SSBP2: variants seen among roughly 807,000 people sequenced by gnomAD.
The protein encoded by SSBP2 is single stranded DNA binding protein 2.
SSBP2 carries 17 observed loss-of-function variants against 61.8 expected under a neutral mutation model. The ratio of observed to expected loss-of-function variants is 0.28; its 90% CI spans 0.19 to 0.41. The LOEUF is 0.41. SSBP2 is among the 10% of genes least tolerant of loss of function. The probability of loss-of-function intolerance (pLI) is 1.00; values close to 1 mark genes in which losing one functional copy is unlikely to be tolerated. For synonymous variants in SSBP2, 139 were observed against 141.3 expected, an observed-to-expected ratio of 0.98 and a Z score of 0.12; for missense variants, 310 against 458.7, an observed-to-expected ratio of 0.68 and a Z score of 2.96.
intron 16 of SSBP2, 72 bp from the exon 17 acceptor site, chr5:81,420,605 C>T (rs1162581265): frequency 4.0e-6 from 5 of 1,247,896 alleles, no homozygotes; most frequent in Non-Finnish European, 5.9e-6. Context: ...CTTGGTACAA[C>T]AGAAACGATG....
intron 3 of SSBP2, 88 bp downstream of exon 3, chr5:81,636,469 A>G: frequency 9.3e-7 from 1 of 1,078,012 alleles, no homozygotes; most frequent in Non-Finnish European, 1.3e-6. Context: ...GAAAAAATAA[A>G]AAGGAAGCAT....
intron 1 of SSBP2, among the ~76,000 whole-genome samples, chr5:81,740,975 C>T (rs1756980055): frequency 6.6e-6 from 1 of 152,190 alleles, no homozygotes; most frequent in Admixed American, 6.5e-5. Flanking sequence ...ATTCCCCTCC[C>T]ATCCTCATGC....
chr5:81,736,488 C>T (rs1218594358), intron 1 of SSBP2, among the ~76,000 whole-genome samples: 3 of 152,056 alleles, frequency 2.0e-5, no homozygotes, highest in East Asian at 1.9e-4. Flanking sequence ...CTTTTCTCCT[C>T]GAATTTAAAA....
At chr5:81,520,260 T>C (rs1021525593) in intron 4 of SSBP2, among the ~76,000 whole-genome samples, 2 of 152,054 alleles carry the variant, frequency 1.3e-5, no homozygotes, top group East Asian at 1.9e-4. Context: ...GCTGGGATTA[T>C]AGGCGTGAGC....
At chr5:81,650,814 A>G (rs374906791) in intron 1 of SSBP2, among the ~76,000 whole-genome samples, 1 of 152,148 alleles carries the variant, frequency 6.6e-6, no homozygotes. Flanking sequence ...ATCCATTTTA[A>G]TATTTGCTCA....
chr5:81,705,396 T>C (rs1174394797), intron 1 of SSBP2, among the ~76,000 whole-genome samples: 1 of 152,184 alleles, frequency 6.6e-6, no homozygotes, highest in East Asian at 1.9e-4. Flanking sequence ...GGAAATGTTA[T>C]ATACTTTACA....
intron 3 of SSBP2, among the ~76,000 whole-genome samples, chr5:81,617,863 G>A (rs1021648831): frequency 2.4e-5 from 3 of 125,744 alleles, no homozygotes; most frequent in African/African-American, 9.1e-5. Flanking sequence ...AGCTTCATAA[G>A]TGAAGGAGAA....
At chr5:81,727,153 T>C (rs535138875) in intron 1 of SSBP2, among the ~76,000 whole-genome samples, 7 of 152,306 alleles carry the variant, frequency 4.6e-5, no homozygotes, top group African/African-American at 1.4e-4. Flanking sequence ...ACTAGCTAAG[T>C]GTCTTTGGGC....
chr5:81,506,464 AAC>A (rs1224584902), intron 5 of SSBP2, among the ~76,000 whole-genome samples: 2 of 152,172 alleles, frequency 1.3e-5, no homozygotes, highest in African/African-American at 2.4e-5. Context: ...AGAAGGATAT[AAC>A]AAGTAATCTT....
At chr5:81,726,821 A>G (rs1378509550) in intron 1 of SSBP2, among the ~76,000 whole-genome samples, 1 of 152,112 alleles carries the variant, frequency 6.6e-6, no homozygotes, top group Non-Finnish European at 1.5e-5. Flanking sequence ...TTCATCCTAC[A>G]CGGTCCAGTA....
At chr5:81,653,665 T>C (rs1468099349) in intron 1 of SSBP2, among the ~76,000 whole-genome samples, 4 of 152,332 alleles carry the variant, frequency 2.6e-5, no homozygotes, top group Non-Finnish European at 4.4e-5. Context: ...TGGTATCTCA[T>C]TGTGGTTTTG....
chr5:81,593,060 C>G (rs1056606453), intron 4 of SSBP2, among the ~76,000 whole-genome samples: 7 of 152,012 alleles, frequency 4.6e-5, no homozygotes, highest in Admixed American at 1.3e-4. Flanking sequence ...AGGAGGAAAT[C>G]TGAACCAATG....
At chr5:81,720,667 C>A (rs976358448) in intron 1 of SSBP2, among the ~76,000 whole-genome samples, 1 of 152,212 alleles carries the variant, frequency 6.6e-6, no homozygotes, top group Non-Finnish European at 1.5e-5. Flanking sequence ...CACTTCCCCC[C>A]TCTCTGCCTC....
chr5:81,567,865 T>C (rs957437035), intron 4 of SSBP2, among the ~76,000 whole-genome samples: 2 of 152,220 alleles, frequency 1.3e-5, no homozygotes, highest in Non-Finnish European at 2.9e-5. Context: ...GCATGGAGCC[T>C]GTAGCCCCTT....
chr5:81,540,590 GT>G (rs1771187195), intron 4 of SSBP2, among the ~76,000 whole-genome samples: 1 of 152,044 alleles, frequency 6.6e-6, no homozygotes, highest in Non-Finnish European at 1.5e-5. Context: ...TCATGGGGTT[GT>G]TTTTTTCTCA....
At chr5:81,729,724 C>A (rs1756128886) in intron 1 of SSBP2, among the ~76,000 whole-genome samples, 1 of 151,870 alleles carries the variant, frequency 6.6e-6, no homozygotes, top group East Asian at 1.9e-4. Flanking sequence ...GCTTTTTTAA[C>A]CTTTAATTAT....
chr5:81,734,815 C>CA (rs1487634697), intron 1 of SSBP2, among the ~76,000 whole-genome samples: 1 of 151,688 alleles, frequency 6.6e-6, no homozygotes, highest in Admixed American at 6.6e-5. Flanking sequence ...ACTAAAAACA[C>CA]AAAAAACTAG....
At chr5:81,689,150 T>C (rs918236515) in intron 1 of SSBP2, among the ~76,000 whole-genome samples, 1 of 151,714 alleles carries the variant, frequency 6.6e-6, no homozygotes. Flanking sequence ...TTAGTGAGCT[T>C]GAAGACAAGC....
chr5:81,652,161 C>G (rs1050474950), intron 1 of SSBP2, among the ~76,000 whole-genome samples: 1 of 152,126 alleles, frequency 6.6e-6, no homozygotes, highest in Non-Finnish European at 1.5e-5. Flanking sequence ...CATGACAGGC[C>G]TGGTATGGAG....
Sources: gnomAD v4.1 joint callset for allele counts (sites outside exome capture counted in the v4.1 genomes callset) on GRCh38, gnomAD v4.1.1 for gene constraint, MANE v1.5 for transcripts, NCBI Gene and HGNC (gene_info 2026-07-23, HGNC 2026-07-21) for gene names.